Variants in CMSS1 observed in about 807,000 individuals in gnomAD.
The protein encoded by CMSS1 is protein CMSS1.
A neutral mutation model predicts 43.5 loss-of-function variants in CMSS1; 33 were observed. That is an observed-to-expected ratio of 0.76 (90% CI 0.57 to 1.01). CMSS1 has a LOEUF of 1.01. CMSS1 is among the 50% of genes least tolerant of loss of function. The probability of loss-of-function intolerance (pLI) is 0.00; values close to 1 mark genes in which losing one functional copy is unlikely to be tolerated. For synonymous variants in CMSS1, 115 were observed against 117.2 expected (o/e 0.98, Z 0.12); for missense variants, 313 against 326.4 (o/e 0.96, Z 0.32).
At chr3:99,842,467 C>G (rs1261942544) in intron 1 of CMSS1, among the ~76,000 whole-genome samples, 2 of 149,316 alleles carry the variant, frequency 1.3e-5, no homozygotes, top group Non-Finnish European at 3.0e-5. Flanking sequence ...CCACTTGTTC[C>G]CCAAAAACCT....
At chr3:100,040,172 G>A (rs1423469494) in intron 1 of CMSS1, 1 of 151,980 alleles carries the variant, frequency 6.6e-6, no homozygotes, top group Non-Finnish European at 1.5e-5. Context: ...GTGAGAAGTA[G>A]GAACCTAAGA....
chr3:100,107,452 C>T (rs746910395), intron 1 of CMSS1, among the ~76,000 whole-genome samples: 7 of 152,064 alleles, frequency 4.6e-5, no homozygotes, highest in Admixed American at 1.3e-4. Flanking sequence ...GATGAATCCA[C>T]GGGTGTGTCA....
At chr3:99,832,712 A>C in intron 1 of CMSS1, among the ~76,000 whole-genome samples, 1 of 88,086 alleles carries the variant, frequency 1.1e-5, no homozygotes, top group Non-Finnish European at 2.2e-5. Flanking sequence ...GTCGTGGCGC[A>C]CTCCTGTAAT....
At chr3:100,012,856 T>G (rs949958989) in intron 1 of CMSS1, among the ~76,000 whole-genome samples, 5 of 151,178 alleles carry the variant, frequency 3.3e-5, no homozygotes, top group African/African-American at 9.7e-5. Context: ...TCACTGCAGC[T>G]TCCACCTCCC....
At chr3:99,830,596 C>A (rs1158484640) in intron 1 of CMSS1, 1 of 456,420 alleles carries the variant, frequency 2.2e-6, no homozygotes, top group Non-Finnish European at 4.4e-6. Flanking sequence ...TGCTTGCATA[C>A]CTCCTTGATC....
chr3:99,830,749 T>A lies in CMSS1; in HGVS notation c.64+12706T>A, dbSNP rs566555379. On this transcript the variant is annotated intron_variant, in intron 1 of 9. Transcript: ENST00000421999. ...ATGTATCAGATCAAAGATCGTCAGGTTGAAGAAAAGAATGTCAGTAAAGTA... is the reference window on the plus strand; with the variant it reads ...ATGTATCAGATCAAAGATCGTCAGGATGAAGAAAAGAATGTCAGTAAAGTA... 1.9e-5 allele frequency: 7 copies of A among 378,052 alleles called. No homozygotes were observed. The East Asian group carries it at 5.1e-4, about 27-fold the overall frequency. 23.4% of individuals were successfully genotyped at this position (378,052 alleles called of 1,614,324 possible).
At chr3:100,113,143 T>C (rs924821101) in intron 1 of CMSS1, among the ~76,000 whole-genome samples, 3 of 152,248 alleles carry the variant, frequency 2.0e-5, no homozygotes, top group Non-Finnish European at 1.5e-5. Flanking sequence ...AAGAAAGATA[T>C]GTAATCATTA....
intron 1 of CMSS1, among the ~76,000 whole-genome samples, chr3:100,129,923 C>T (rs1386079785): frequency 6.6e-6 from 1 of 152,164 alleles, no homozygotes; most frequent in Non-Finnish European, 1.5e-5. Flanking sequence ...TTCTTTTCTT[C>T]CTTTCAGTGT....
At chr3:99,908,608 T>G (rs1254365905) in intron 1 of CMSS1, among the ~76,000 whole-genome samples, 7 of 152,200 alleles carry the variant, frequency 4.6e-5, no homozygotes, top group Non-Finnish European at 1.0e-4. Context: ...AGCAGTGTGA[T>G]CTTGGGAAAG....
Position 99,890,147 on chromosome 3 carries a change from G to A in CMSS1, c.64+72104G>A, listed in dbSNP as rs1706038087. On this transcript the variant is annotated intron_variant, in intron 1 of 9. Coordinates refer to ENST00000421999, the MANE Select transcript of CMSS1 (RefSeq NM_032359.4). Reference sequence around the variant, plus strand: ...TTCTTGAGGATTTTTACTGGGTATAGAATGCTTGGTTGAGACTTGTTTTCT... The same window carrying A: ...TTCTTGAGGATTTTTACTGGGTATAAAATGCTTGGTTGAGACTTGTTTTCT... Among the ~76,000 whole-genome samples the A allele has an allele frequency of 2.6e-5, 4 of 152,010 alleles. No homozygotes were observed. The South Asian group carries it at 8.3e-4, about 31-fold the overall frequency.
At chr3:99,941,618 A>G (rs1371187430) in intron 1 of CMSS1, among the ~76,000 whole-genome samples, 3 of 152,220 alleles carry the variant, frequency 2.0e-5, no homozygotes, top group African/African-American at 7.2e-5. Context: ...AAGGGAGATG[A>G]AACAACCATG....
chr3:99,937,731 C>T (rs1376770917), intron 1 of CMSS1, among the ~76,000 whole-genome samples: 1 of 152,144 alleles, frequency 6.6e-6, no homozygotes, highest in African/African-American at 2.4e-5. Context: ...CTGGTTGGCT[C>T]TGAATAGGAG....
chr3:99,895,957 C>G (rs1325137878), intron 1 of CMSS1, among the ~76,000 whole-genome samples: 1 of 152,174 alleles, frequency 6.6e-6, no homozygotes, highest in Non-Finnish European at 1.5e-5. Context: ...TAAAGATAGT[C>G]TTTTTGTAGA....
intron 1 of CMSS1, among the ~76,000 whole-genome samples, chr3:99,883,278 C>T (rs553762346): frequency 3.3e-5 from 5 of 152,330 alleles, no homozygotes; most frequent in African/African-American, 1.2e-4. Context: ...CTAACTTCCA[C>T]TCATTGTTCT....
At chr3:100,176,236 G>A in intron 8 of CMSS1, 91 bp from the exon 9 acceptor site, 2 of 886,786 alleles carry the variant, frequency 2.3e-6, no homozygotes, top group Non-Finnish European at 3.6e-6. Flanking sequence ...CAACATATGA[G>A]ACAAAAAGTA....
chr3:100,083,020 A>C (rs1576035151), intron 1 of CMSS1, among the ~76,000 whole-genome samples: 1 of 152,158 alleles, frequency 6.6e-6, no homozygotes, highest in African/African-American at 2.4e-5. Flanking sequence ...GTACTTTGGG[A>C]TGTGTATATT....
At chr3:99,892,954 G>A (rs769801796) in intron 1 of CMSS1, among the ~76,000 whole-genome samples, 1 of 152,156 alleles carries the variant, frequency 6.6e-6, no homozygotes, top group African/African-American at 2.4e-5. Flanking sequence ...TGAGGCCCCT[G>A]TTGGTGCTGA....
intron 1 of CMSS1, among the ~76,000 whole-genome samples, chr3:100,052,970 G>A (rs2065398995): frequency 6.6e-6 from 1 of 151,868 alleles, no homozygotes; most frequent in Admixed American, 6.6e-5. Flanking sequence ...TTCATCCCTG[G>A]GATAAATGCT....
At chr3:100,031,166 A>G (rs1270008329) in intron 1 of CMSS1, among the ~76,000 whole-genome samples, 1 of 152,134 alleles carries the variant, frequency 6.6e-6, no homozygotes, top group African/African-American at 2.4e-5. Context: ...CTTAAATGTC[A>G]TATTTATAAT....
Sources: allele counts gnomAD v4.1 joint callset (sites outside exome capture counted in the v4.1 genomes callset), GRCh38; gene constraint gnomAD v4.1.1; transcripts MANE v1.5; gene names NCBI Gene and HGNC (gene_info 2026-07-23, HGNC 2026-07-21).